The following ZNF148 variants were observed in gnomAD, a reference collection of about 807,000 sequenced individuals.
ZNF148 encodes zinc finger protein 148, also known as Beta-Enolase Repressor Factor-1.
In ZNF148, 7 loss-of-function variants were observed where a neutral mutation model predicts 67.7. The observed-to-expected ratio is 0.10, with a 90% confidence interval of 0.06 to 0.19. The LOEUF (loss-of-function observed/expected upper bound fraction) is 0.19. ZNF148 is among the 10% of genes least tolerant of loss of function. The pLI, the probability that ZNF148 is intolerant of heterozygous loss-of-function variation, is 1.00. For synonymous variants in ZNF148, 333 were observed against 330.7 expected (o/e 1.01, Z -0.08); for missense variants, 583 against 947.1 (o/e 0.62, Z 5.05).
intron 8 of ZNF148, 116 bp downstream of exon 8, chr3:125,234,095 A>C (rs1935975104): frequency 1.6e-6 from 2 of 1,246,138 alleles, no homozygotes; most frequent in Non-Finnish European, 2.2e-6. Context: ...TATAAATCTA[A>C]TCTGTAAGAG....
At chr3:125,321,343 A>T (rs1194541250) in intron 3 of ZNF148, among the ~76,000 whole-genome samples, 1 of 152,192 alleles carries the variant, frequency 6.6e-6, no homozygotes, top group African/African-American at 2.4e-5. Context: ...ACAAGTATTA[A>T]TCAGAAAACT....
At position 125,231,336 on chromosome 3, in the gene ZNF148, G is replaced by A. The variant is rs1393960804; in HGVS notation, c.*1005C>T. On this transcript the variant is annotated 3_prime_UTR_variant, in exon 9 of 9. Coordinates refer to ENST00000360647, the MANE Select transcript of ZNF148 (RefSeq NM_021964.3). ...AAGTTAAAATTGTCAATTACGAGAT[G>A]ATTATGACACAACCATATCAAACCT... The A allele has an allele frequency of 6.6e-6, 1 of 152,320 alleles. No homozygotes were observed. The highest frequency in any genetic ancestry group is 1.5e-5 in the Non-Finnish European group (1 of 67,946). 9.4% of individuals were successfully genotyped at this position (152,320 alleles called of 1,614,324 possible).
At chr3:125,317,715 T>TA (rs1553708312) in intron 3 of ZNF148, among the ~76,000 whole-genome samples, 73 of 80,312 alleles carry the variant, frequency 9.1e-4, no homozygotes, top group South Asian at 2.5e-3. Flanking sequence ...ATATATATAT[T>TA]TTTTTTTTTT....
intron 7 of ZNF148, among the ~76,000 whole-genome samples, chr3:125,264,516 T>G (rs918089611): frequency 1.3e-5 from 2 of 152,208 alleles, no homozygotes; most frequent in Admixed American, 1.3e-4. Context: ...AACTCATCAA[T>G]AGCCAAGGAA....
chr3:125,304,369 G>T lies in ZNF148; in HGVS notation c.333+8939C>A, dbSNP rs534967304. ...GGGGTGAAGAAAGTATCAAAGAGTG[G>T]ATGTAGACCAGTGCAATGTATCTAA... On this transcript the variant is annotated intron_variant, in intron 4 of 8. Coordinates refer to ENST00000360647, the MANE Select transcript of ZNF148 (RefSeq NM_021964.3). Among the ~76,000 whole-genome samples the T allele has an allele frequency of 5.3e-5, 8 of 152,226 alleles. No individual in the cohort carries two copies. The South Asian group carries it at 8.3e-4, about 16-fold the overall frequency.
At chr3:125,265,904 G>T (rs986044640) in intron 7 of ZNF148, among the ~76,000 whole-genome samples, 1 of 151,898 alleles carries the variant, frequency 6.6e-6, no homozygotes, top group Non-Finnish European at 1.5e-5. Flanking sequence ...TGTAAAACAA[G>T]AAAGAGTAGG....
intron 1 of ZNF148, among the ~76,000 whole-genome samples, chr3:125,337,674 C>G (rs759620418): frequency 2.0e-5 from 3 of 152,202 alleles, no homozygotes; most frequent in Non-Finnish European, 2.9e-5. Flanking sequence ...TGCGACATTT[C>G]ATTCCACACC....
In ZNF148 at chr3:125,232,159, T is replaced by C. The variant is rs1935878977; in HGVS notation, c.*182A>G. ...ATAAAGGTGACAACATGTAAGGCAGTTCAAAGAATGCTGACTAACCAAACG... is the reference window on the plus strand; with the variant it reads ...ATAAAGGTGACAACATGTAAGGCAGCTCAAAGAATGCTGACTAACCAAACG... On this transcript the variant is annotated 3_prime_UTR_variant, in exon 9 of 9. Transcript: ENST00000360647. The surrounding 1 kb of genome is among the most constrained non-coding windows in gnomAD (Gnocchi z 4.2). 3 of 695,456 alleles carry C rather than the reference T, an allele frequency of 4.3e-6. No individual in the cohort carries two copies. Among genetic ancestry groups the C allele is most frequent in the Non-Finnish European group, 6.7e-6 (3 of 450,132 alleles). 43.1% of individuals were successfully genotyped at this position (695,456 alleles called of 1,614,324 possible).
At chr3:125,363,804 C>G (rs912394084) in intron 1 of ZNF148, among the ~76,000 whole-genome samples, 1 of 151,986 alleles carries the variant, frequency 6.6e-6, no homozygotes, top group Admixed American at 6.5e-5. Flanking sequence ...CATGTGCCAC[C>G]ATGCCCCGCT....
intron 4 of ZNF148, among the ~76,000 whole-genome samples, chr3:125,301,779 T>A (rs1247264810): frequency 2.0e-5 from 3 of 152,160 alleles, no homozygotes; most frequent in Non-Finnish European, 4.4e-5. Context: ...AAAATGTACA[T>A]TCGGCCAGGC....
chr3:125,291,434 C>G (rs553983362), intron 4 of ZNF148, among the ~76,000 whole-genome samples: 14 of 152,056 alleles, frequency 9.2e-5, no homozygotes, highest in Admixed American at 4.6e-4. Flanking sequence ...ATGACCTTAC[C>G]ATCACTCCTC....
intron 4 of ZNF148, among the ~76,000 whole-genome samples, chr3:125,305,257 G>C (rs1434876459): frequency 6.6e-6 from 1 of 152,172 alleles, no homozygotes; most frequent in Non-Finnish European, 1.5e-5. Context: ...TCCTGCCAAA[G>C]ATGCTTAACT....
In ZNF148 at chr3:125,232,471, T is replaced by C; in HGVS notation, c.2255A>G (p.Asn752Ser). ...AGIATQFSTANGQVNLRGPGT... is the reference protein window; with the variant it reads ...AGIATQFSTASGQVNLRGPGT... ...TGGTCCCCGAAGGTTCACCTGTCCA[T>C]TGGCAGTGCTAAATTGAGTAGCTAT... Residue 752 changes from asparagine to serine, a missense_variant, in exon 9 of 9, where the codon AAT becomes AGT. Transcript: ENST00000360647. The surrounding 1 kb of genome is among the most constrained non-coding windows in gnomAD (Gnocchi z 4.2). The C allele has an allele frequency of 6.2e-7, 1 of 1,613,692 alleles. No homozygotes were observed. The highest frequency in any genetic ancestry group is 1.1e-5 in the South Asian group (1 of 91,074).
intron 4 of ZNF148, among the ~76,000 whole-genome samples, chr3:125,289,797 G>A (rs1938908189): frequency 6.6e-6 from 1 of 152,152 alleles, no homozygotes; most frequent in African/African-American, 2.4e-5. Context: ...GTGTCAAGAA[G>A]AGTGTAAGAT....
intron 4 of ZNF148, among the ~76,000 whole-genome samples, chr3:125,312,251 T>C (rs1395964372): frequency 1.3e-5 from 2 of 152,236 alleles, no homozygotes; most frequent in Non-Finnish European, 2.9e-5. Flanking sequence ...GCAGGATTTA[T>C]TCCAGGTATG....
chr3:125,297,893 C>T (rs1291688370), intron 4 of ZNF148, among the ~76,000 whole-genome samples: 2 of 152,250 alleles, frequency 1.3e-5, no homozygotes, highest in East Asian at 3.9e-4. Context: ...AGTACATACA[C>T]ACACAAGTGA....
chr3:125,309,632 G>A (rs1337040435), intron 4 of ZNF148, among the ~76,000 whole-genome samples: 2 of 152,180 alleles, frequency 1.3e-5, no homozygotes, highest in Admixed American at 1.3e-4. Flanking sequence ...GATTATGACG[G>A]CTATTTCCGC....
chr3:125,343,731 T>C (rs1243810622), intron 1 of ZNF148, among the ~76,000 whole-genome samples: 1 of 152,146 alleles, frequency 6.6e-6, no homozygotes, highest in Admixed American at 6.5e-5. Context: ...ATCCACACTG[T>C]GGAAGCTTTG....
At position 125,226,890 on chromosome 3, in the gene ZNF148, A is replaced by C. The variant is rs954608632; in HGVS notation, c.*5451T>G. On this transcript the variant is annotated 3_prime_UTR_variant, in exon 9 of 9. Coordinates refer to ENST00000360647, the MANE Select transcript of ZNF148 (RefSeq NM_021964.3). ...AAATCTCTTTTTATTTAACACTGAA[A>C]ATTTCAATGTGATAAGTTTCATTGC... 6.6e-6 allele frequency: 1 copy of C among 152,144 alleles called. No individual in the cohort carries two copies. The highest frequency in any genetic ancestry group is 1.5e-5 in the Non-Finnish European group (1 of 68,000). The allele number at this position is 152,144 out of a possible 1,614,324, so 9.4% of individuals were successfully genotyped here. A position where few individuals can be genotyped will look rare whatever the true frequency, so the allele number is the denominator to read the frequency against.
Sources: gnomAD v4.1 joint callset for allele counts (sites outside exome capture counted in the v4.1 genomes callset) on GRCh38, gnomAD v4.1.1 for gene constraint, Gnocchi (gnomAD v3.1) non-coding constraint, MANE v1.5 for transcripts, NCBI Gene and HGNC (gene_info 2026-07-23, HGNC 2026-07-21) for gene names.